The following STAU2 variants were observed in gnomAD, a reference collection of about 807,000 sequenced individuals.
STAU2 encodes double-stranded RNA-binding protein Staufen homolog 2.
A neutral mutation model predicts 65.9 loss-of-function variants in STAU2; 20 were observed. The observed-to-expected ratio is 0.30, with a 90% confidence interval of 0.21 to 0.44. The LOEUF is 0.44. Ranked by LOEUF, STAU2 falls within the 20% of genes least tolerant of loss-of-function variation. The pLI is 1.00. For synonymous variants in STAU2, 232 were observed against 233.9 expected, an observed-to-expected ratio of 0.99 and a Z score of 0.07; for missense variants, 558 against 683.9, an observed-to-expected ratio of 0.82 and a Z score of 2.05.
At chr8:73,596,751 A>G (rs1333452717) in intron 10 of STAU2, among the ~76,000 whole-genome samples, 1 of 152,172 alleles carries the variant, frequency 6.6e-6, no homozygotes, top group Non-Finnish European at 1.5e-5. Context: ...TGGGAGGCTG[A>G]GGTGGGAAGA....
chr8:73,433,750 GC>G (rs1271795371), intron 13 of STAU2, among the ~76,000 whole-genome samples: 2 of 151,900 alleles, frequency 1.3e-5, no homozygotes, highest in African/African-American at 4.9e-5. Context: ...CGATCCATCT[GC>G]CCCAGCCGCC....
intron 13 of STAU2, among the ~76,000 whole-genome samples, chr8:73,478,786 G>C (rs1820453751): frequency 1.3e-5 from 2 of 151,946 alleles, no homozygotes; most frequent in South Asian, 4.1e-4. Context: ...ATTAAGAATT[G>C]TAAAAAATCA....
rs138978697 is a variant in STAU2, at chr8:73,525,500, T to C, written c.1530+26512A>G. ...GCCCTGAACTTTGAGTACCTTGGCA[T>C]AGGAACTTGGCACAAGCCCAAACTA... On this transcript the variant is annotated intron_variant, in intron 13 of 14. Coordinates refer to ENST00000524300, the MANE Select transcript of STAU2 (RefSeq NM_001164380.2). Among the ~76,000 whole-genome samples, 224 of 152,298 alleles carry C rather than the reference T, an allele frequency of 1.5e-3. 3 individuals are homozygous for C. In the East Asian group the frequency reaches 0.016, roughly 11 times the overall value.
chr8:73,547,220 T>C (rs919087614), intron 13 of STAU2, among the ~76,000 whole-genome samples: 1 of 152,230 alleles, frequency 6.6e-6, no homozygotes, highest in Non-Finnish European at 1.5e-5. Context: ...TCAAAATAAG[T>C]ATCATAGCAA....
At chr8:73,747,303 T>A, upstream of STAU2, 11 of 1,487,138 alleles carry the variant, frequency 7.4e-6, no homozygotes, top group Non-Finnish European at 9.9e-6. Context: ...CTTCCACACC[T>A]GCAACTCGGC....
intron 13 of STAU2, among the ~76,000 whole-genome samples, chr8:73,516,789 C>T (rs1456939861): frequency 1.3e-5 from 2 of 152,130 alleles, no homozygotes; most frequent in African/African-American, 4.8e-5. Flanking sequence ...GTAAAAGTGA[C>T]CTCCAGTGGG....
intron 13 of STAU2, among the ~76,000 whole-genome samples, chr8:73,475,506 A>G (rs375516858): frequency 6.6e-6 from 1 of 152,332 alleles, no homozygotes. Context: ...CTATAAATTC[A>G]GTGGATGCTA....
intron 3 of STAU2, among the ~76,000 whole-genome samples, chr8:73,713,083 A>G (rs945117788): frequency 3.9e-5 from 6 of 152,250 alleles, no homozygotes; most frequent in African/African-American, 1.4e-4. Flanking sequence ...AAAGGTTTAC[A>G]TGTGCTAGGA....
intron 12 of STAU2, among the ~76,000 whole-genome samples, chr8:73,577,323 A>G (rs1013946300): frequency 2.0e-5 from 3 of 151,804 alleles, no homozygotes; most frequent in Admixed American, 6.6e-5. Context: ...AGCTACTGGG[A>G]AGGCTGAGGC....
chr8:73,668,897 C>T (rs1263870880), intron 6 of STAU2: 3 of 589,420 alleles, frequency 5.1e-6, no homozygotes, highest in Non-Finnish European at 9.0e-6. Flanking sequence ...GGTGGTAAAA[C>T]AGCATAGGTA....
intron 3 of STAU2, among the ~76,000 whole-genome samples, chr8:73,712,657 T>C (rs959646282): frequency 6.6e-6 from 1 of 152,224 alleles, no homozygotes; most frequent in African/African-American, 2.4e-5. Flanking sequence ...ATTTTACTCA[T>C]ACAAATATAC....
chr8:73,729,058 T>C (rs1805854072), intron 3 of STAU2, among the ~76,000 whole-genome samples: 2 of 152,212 alleles, frequency 1.3e-5, no homozygotes, highest in South Asian at 4.1e-4. Context: ...GTGGGTTTTT[T>C]CATAAACGCT....
At chr8:73,706,060 C>G (rs1256417928) in intron 4 of STAU2, among the ~76,000 whole-genome samples, 1 of 152,144 alleles carries the variant, frequency 6.6e-6, no homozygotes, top group Non-Finnish European at 1.5e-5. Context: ...CCACTTCTCA[C>G]CTATGTCAGC....
At chr8:73,529,404 A>G (rs1052651743) in intron 13 of STAU2, among the ~76,000 whole-genome samples, 1 of 152,312 alleles carries the variant, frequency 6.6e-6, no homozygotes, top group Non-Finnish European at 1.5e-5. Flanking sequence ...TGCTCTTTTA[A>G]AATTTAATAA....
intron 13 of STAU2, among the ~76,000 whole-genome samples, chr8:73,490,917 G>A (rs1821125352): frequency 6.6e-6 from 1 of 151,948 alleles, no homozygotes; most frequent in Admixed American, 6.6e-5. Context: ...ATCCACTTCT[G>A]TTTTAAAGTC....
chr8:73,680,712 A>T (rs4352843), intron 5 of STAU2, among the ~76,000 whole-genome samples: 3,853 of 152,120 alleles, frequency 0.025, 134 homozygotes, highest in African/African-American at 0.084. Flanking sequence ...AGAAATTTTT[A>T]AAATAATACA....
chr8:73,500,373 T>C (rs549039179), intron 13 of STAU2, among the ~76,000 whole-genome samples: 3 of 152,052 alleles, frequency 2.0e-5, no homozygotes, highest in African/African-American at 4.8e-5. Context: ...AATTCAAGTT[T>C]TGCTTTTTGA....
chr8:73,612,248 C>T (rs904397903), intron 9 of STAU2, among the ~76,000 whole-genome samples: 1 of 152,148 alleles, frequency 6.6e-6, no homozygotes, highest in Non-Finnish European at 1.5e-5. Flanking sequence ...TTTGCATTAT[C>T]ATTAATAACA....
intron 12 of STAU2, among the ~76,000 whole-genome samples, chr8:73,568,051 A>G (rs912937060): frequency 3.1e-4 from 47 of 152,354 alleles, no homozygotes; most frequent in African/African-American, 1.1e-3. Flanking sequence ...TAGGGAAACT[A>G]TCTGCACTGC....
Sources: allele counts gnomAD v4.1 joint callset (sites outside exome capture counted in the v4.1 genomes callset), GRCh38; gene constraint gnomAD v4.1.1; transcripts MANE v1.5; gene names NCBI Gene and HGNC (gene_info 2026-07-23, HGNC 2026-07-21).